The following PALLD variants were observed in gnomAD, a reference collection of about 807,000 sequenced individuals.
PALLD encodes palladin, cytoskeletal associated protein, also known as palladin.
Under a neutral mutation model 123.5 loss-of-function variants are expected in PALLD, and 61 were observed. That is an observed-to-expected ratio of 0.49 (90% CI 0.40 to 0.61). The LOEUF (loss-of-function observed/expected upper bound fraction) is 0.61, where lower values mean the gene tolerates loss of function less well. Ranked by LOEUF, PALLD falls within the 20% of genes least tolerant of loss-of-function variation. PALLD has a pLI of 0.00. For synonymous variants in PALLD, 465 were observed against 496.4 expected (o/e 0.94, Z 0.84); for missense variants, 1,273 against 1,377.0 (o/e 0.92, Z 1.20).
At chr4:168,888,379 T>C (rs566993639) in intron 10 of PALLD, among the ~76,000 whole-genome samples, 86 of 152,298 alleles carry the variant, frequency 5.6e-4, no homozygotes, top group African/African-American at 2.0e-3. Flanking sequence ...TACTGACTTA[T>C]GAAACAAGTC....
chr4:168,915,828 AT>A, intron 16 of PALLD, 66 bp from the exon 17 acceptor site: 1 of 1,239,176 alleles, frequency 8.1e-7, no homozygotes, highest in South Asian at 1.2e-5. Context: ...AAGAAAACAG[AT>A]GACTAAAAGT....
At chr4:168,642,183 G>T (rs1777028516) in intron 2 of PALLD, among the ~76,000 whole-genome samples, 1 of 152,088 alleles carries the variant, frequency 6.6e-6, no homozygotes, top group Non-Finnish European at 1.5e-5. Context: ...TGTGCAAGTG[G>T]TCTCTGGCTG....
chr4:168,512,910 G>C (rs934584789), intron 2 of PALLD, among the ~76,000 whole-genome samples: 3 of 152,024 alleles, frequency 2.0e-5, no homozygotes, highest in South Asian at 2.1e-4. Flanking sequence ...CTACTTGAGG[G>C]GGGAGAGTAG....
At chr4:168,541,854 C>T (rs1327299717) in intron 2 of PALLD, among the ~76,000 whole-genome samples, 45 of 152,152 alleles carry the variant, frequency 3.0e-4, no homozygotes, top group Admixed American at 2.9e-3. Context: ...AAAAGTGTCC[C>T]TTCCAGTCAA....
Position 168,685,481 on chromosome 4 carries a change from G to T in PALLD, c.1261-4G>T. The T allele has an allele frequency of 6.3e-7, 1 of 1,597,398 alleles. No homozygotes were observed. On this transcript the variant is annotated splice_region_variant and splice_polypyrimidine_tract_variant and intron_variant, in intron 5 of 21. Transcript: ENST00000505667. ...ATTTGATCCATATGTCTCTGCTTTT[G>T]CAGGTTCACAGTCCAACTTCATATC...
intron 8 of PALLD, among the ~76,000 whole-genome samples, chr4:168,708,308 G>A (rs893602162): frequency 2.0e-4 from 31 of 152,144 alleles, no homozygotes; most frequent in African/African-American, 7.2e-4. Context: ...CAATAACCGT[G>A]TGGTGGTTAA....
intron 2 of PALLD, among the ~76,000 whole-genome samples, chr4:168,525,465 G>A (rs935474765): frequency 6.6e-6 from 1 of 152,194 alleles, no homozygotes; most frequent in Non-Finnish European, 1.5e-5. Context: ...GGTGTTAGGT[G>A]TGCAGACAAG....
chr4:168,845,188 A>G (rs1207003372), intron 10 of PALLD, among the ~76,000 whole-genome samples: 1 of 152,194 alleles, frequency 6.6e-6, no homozygotes. Flanking sequence ...CCAAAGTGCC[A>G]TGGAAAACAT....
intron 2 of PALLD, among the ~76,000 whole-genome samples, chr4:168,553,763 A>G (rs1398033715): frequency 6.6e-6 from 1 of 151,970 alleles, no homozygotes; most frequent in African/African-American, 2.4e-5. Context: ...TTAGATTCTG[A>G]TAAGCACCAA....
chr4:168,734,416 T>A (rs114083079), intron 10 of PALLD, among the ~76,000 whole-genome samples: 1,762 of 152,290 alleles, frequency 0.012, 36 homozygotes, highest in African/African-American at 0.04. Context: ...AATCTATGTG[T>A]CTCCTGTATT....
chr4:168,597,141 A>G (rs1247371089), intron 2 of PALLD, among the ~76,000 whole-genome samples: 1 of 152,160 alleles, frequency 6.6e-6, no homozygotes, highest in African/African-American at 2.4e-5. Flanking sequence ...TCTGGCAAAG[A>G]TAATGAAAGG....
intron 10 of PALLD, among the ~76,000 whole-genome samples, chr4:168,713,977 CG>C: frequency 1.5e-5 from 1 of 66,662 alleles, no homozygotes; most frequent in Non-Finnish European, 2.8e-5. Context: ...TTCAAATCTT[CG>C]TATGTTTAAA....
chr4:168,588,636 G>T (rs1771091979), intron 2 of PALLD, among the ~76,000 whole-genome samples: 1 of 152,096 alleles, frequency 6.6e-6, no homozygotes, highest in African/African-American at 2.4e-5. Context: ...TCAAACTCCT[G>T]ACCTCAAGTG....
chr4:168,839,273 T>G (rs1745661820), intron 10 of PALLD, among the ~76,000 whole-genome samples: 1 of 152,244 alleles, frequency 6.6e-6, no homozygotes, highest in East Asian at 1.9e-4. Flanking sequence ...AATTGTATAC[T>G]CTTTTGTAGT....
chr4:168,807,019 A>T (rs1158210889), intron 10 of PALLD, among the ~76,000 whole-genome samples: 1 of 152,196 alleles, frequency 6.6e-6, no homozygotes, highest in Non-Finnish European at 1.5e-5. Flanking sequence ...GGCACCCGAG[A>T]TGCGGACTCC....
At chr4:168,547,725 AGATCACGAGGTC>A (rs1473968056) in intron 2 of PALLD, among the ~76,000 whole-genome samples, 2 of 151,998 alleles carry the variant, frequency 1.3e-5, no homozygotes, top group Admixed American at 1.3e-4. Context: ...CGAGGCGGGC[AGATCACGAGGTC>A]GAGATAGAGA....
chr4:168,786,197 G>A (rs573736653), intron 10 of PALLD, among the ~76,000 whole-genome samples: 9 of 151,962 alleles, frequency 5.9e-5, no homozygotes, highest in African/African-American at 1.9e-4. Context: ...GCGTGGTGGT[G>A]TGTGCCTGTA....
At chr4:168,513,180 A>AAC (rs1459962021) in intron 2 of PALLD, among the ~76,000 whole-genome samples, 1 of 152,110 alleles carries the variant, frequency 6.6e-6, no homozygotes, top group African/African-American at 2.4e-5. Flanking sequence ...CAGTAACATA[A>AAC]ACACACACAC....
intron 2 of PALLD, among the ~76,000 whole-genome samples, chr4:168,555,259 C>G (rs1376849830): frequency 6.6e-6 from 1 of 152,158 alleles, no homozygotes; most frequent in African/African-American, 2.4e-5. Context: ...TCTGTCAAGG[C>G]TGATTAGGAA....
Sources: gnomAD v4.1 joint callset for allele counts (sites outside exome capture counted in the v4.1 genomes callset) on GRCh38, gnomAD v4.1.1 for gene constraint, MANE v1.5 for transcripts, NCBI Gene and HGNC (gene_info 2026-07-23, HGNC 2026-07-21) for gene names.